The following DYNC2I1 variants were observed in gnomAD, a reference collection of about 807,000 sequenced individuals.
The protein encoded by DYNC2I1 is cytoplasmic dynein 2 intermediate chain 1.
In DYNC2I1, 89 loss-of-function variants were observed where a neutral mutation model predicts 133.4. The observed-to-expected ratio is 0.67, with a 90% CI of 0.56 to 0.80. The LOEUF (loss-of-function observed/expected upper bound fraction) is 0.80. Among genes scored for constraint, DYNC2I1 ranks in the 30% least tolerant of loss-of-function variants. The pLI is 0.00. For synonymous variants in DYNC2I1, 504 were observed against 484.3 expected (o/e 1.04, Z -0.54); for missense variants, 1,291 against 1,314.5 (o/e 0.98, Z 0.28).
At position 158,937,960 on chromosome 7, in the gene DYNC2I1, G is replaced by C. The variant is rs572887605; in HGVS notation, c.2778+3411G>C. 1.1e-4 allele frequency among the ~76,000 whole-genome samples: 16 copies of C among 152,160 alleles called. No individual in the cohort carries two copies. In the South Asian group the frequency reaches 3.3e-3, roughly 32 times the overall value. On this transcript the variant is annotated intron_variant, in intron 23 of 24. Coordinates refer to ENST00000407559, the MANE Select transcript of DYNC2I1 (RefSeq NM_018051.5). ...AGAAAAAAGAACAAAAAGGAATAAA[G>C]ACTACCTACAAGACAGAAAATAACC... is the stretch of plus-strand genomic sequence containing the variant.
intron 22 of DYNC2I1, 21 bp downstream of exon 22, chr7:158,934,249 A>G (rs1432231751): frequency 6.3e-7 from 1 of 1,587,932 alleles, no homozygotes; most frequent in South Asian, 1.2e-5. Flanking sequence ...TTTTAAATTT[A>G]ATCCTATTAC....
At chr7:158,841,184 TA>T in the DYNC2I1 span, among the ~76,000 whole-genome samples, 6 of 27,810 alleles carry the variant, frequency 2.2e-4, no homozygotes, top group East Asian at 2.5e-3. Flanking sequence ...TATATATATA[TA>T]TATATATATA....
intron 8 of DYNC2I1, among the ~76,000 whole-genome samples, chr7:158,894,956 C>T (rs1845627560): frequency 6.6e-6 from 1 of 152,138 alleles, no homozygotes; most frequent in African/African-American, 2.4e-5. Flanking sequence ...TGTTTGCCAT[C>T]TGTATATCTT....
At chr7:158,891,214 C>T in intron 7 of DYNC2I1, 51 bp from the exon 8 acceptor site, 1 of 1,606,080 alleles carries the variant, frequency 6.2e-7, no homozygotes, top group Non-Finnish European at 8.5e-7. Context: ...TGGCGTGTGC[C>T]CTGGAGTCCC....
In DYNC2I1 at chr7:158,865,808, G is replaced by T. The variant is rs180797961; in HGVS notation, c.16-4047G>T. Among the ~76,000 whole-genome samples the T allele has an allele frequency of 3.7e-3, 567 of 152,286 alleles. 5 individuals carry two copies. The highest frequency in any genetic ancestry group is 0.013 in the African/African-American group (541 of 41,548). On this transcript the variant is annotated intron_variant, in intron 1 of 24. Transcript: ENST00000407559. Reference sequence around the variant, plus strand: ...TGGTCTTTAAAAGGCCTTGGCAGAAGCATGTGGTTTACATGTGGCAAGTGG... The same window carrying T: ...TGGTCTTTAAAAGGCCTTGGCAGAATCATGTGGTTTACATGTGGCAAGTGG...
chr7:158,928,883 T>A (rs997202803), intron 20 of DYNC2I1, among the ~76,000 whole-genome samples: 2 of 152,144 alleles, frequency 1.3e-5, no homozygotes, highest in African/African-American at 2.4e-5. Context: ...GCCGTTAACT[T>A]GTTACATGAT....
Position 158,945,620 on chromosome 7 carries a change from T to C in DYNC2I1, c.3042T>C (p.Ala1014=). Residue 1014 remains alanine (A), a synonymous_variant, in exon 25 of 25, where the codon GCT becomes GCC. Transcript: ENST00000407559. This position sits in a 1 kb window ranked among gnomAD's most constrained non-coding sequence, Gnocchi z 4.1. The stretch of plus-strand genomic sequence containing the variant: ...CTGCGGTGGGTGAGCCTGAGAAGGC[T>C]GGTGGCAGCTTCCTGGCCCTGGTGC... ...AMAAVGEPEK[A]GGSFLALVLA... The C allele has an allele frequency of 2.5e-6, 4 of 1,610,564 alleles. No homozygotes were observed. The highest frequency in any genetic ancestry group is 3.4e-6 in the Non-Finnish European group (4 of 1,178,764).
At position 158,945,995 on chromosome 7, in the gene DYNC2I1, C is replaced by G. The variant is rs1585269958; in HGVS notation, c.*216C>G. Reference sequence around the variant, plus strand: ...AACATTCTAGCATTTACAAAACTTCCAGGGGAATGTAGAGCCACGTCCAGG... The same window carrying G: ...AACATTCTAGCATTTACAAAACTTCGAGGGGAATGTAGAGCCACGTCCAGG... On this transcript the variant is annotated 3_prime_UTR_variant, in exon 25 of 25. Transcript: ENST00000407559. The surrounding 1 kb of genome is among the most constrained non-coding windows in gnomAD (Gnocchi z 4.1). 4.3e-6 allele frequency: 2 copies of G among 465,704 alleles called. No homozygotes were observed. Among genetic ancestry groups the G allele is most frequent in the East Asian group, 7.7e-5 (2 of 26,040 alleles). The allele number at this position is 465,704 out of a possible 1,614,324, so 28.8% of individuals were successfully genotyped here.
downstream of DYNC2I1, among the ~76,000 whole-genome samples, chr7:158,949,016 C>T (rs926152490): frequency 5.3e-5 from 8 of 152,148 alleles, no homozygotes; most frequent in Non-Finnish European, 1.5e-5. Flanking sequence ...TGGTCCTGGA[C>T]TGGAGAACAT....
At chr7:158,871,604 C>T (rs1185900771) in intron 3 of DYNC2I1, 42 bp downstream of exon 3, 59 of 1,484,284 alleles carry the variant, frequency 4.0e-5, no homozygotes, top group African/African-American at 1.1e-4. Context: ...CCCGAGGTGC[C>T]GCGTCGCTGC....
chr7:158,840,410 T>C, the DYNC2I1 span, among the ~76,000 whole-genome samples: 6 of 151,742 alleles, frequency 4.0e-5, no homozygotes, highest in African/African-American at 1.5e-4. Context: ...CTAGGAAAAA[T>C]ACAAAACTTA....
rs971295219 is a variant in DYNC2I1, at chr7:158,918,058, C to T, written c.1792-682C>T. ...CTCTCACTCAACATTTCCTGCCTCCCGCCCTCCCATATTCTGTCACTTCTC... is the reference window on the plus strand; with the variant it reads ...CTCTCACTCAACATTTCCTGCCTCCTGCCCTCCCATATTCTGTCACTTCTC... On this transcript the variant is annotated intron_variant, in intron 14 of 24. Coordinates refer to ENST00000407559, the MANE Select transcript of DYNC2I1 (RefSeq NM_018051.5). Among the ~76,000 whole-genome samples, 5 of 152,126 alleles carry T rather than the reference C, an allele frequency of 3.3e-5. No homozygotes were observed. In the South Asian group the frequency reaches 6.2e-4, roughly 19 times the overall value.
chr7:158,926,574 G>GGA, intron 19 of DYNC2I1, 111 bp downstream of exon 19: 7 of 1,218,850 alleles, frequency 5.7e-6, no homozygotes, highest in Non-Finnish European at 8.2e-6. Context: ...GGTGGGAAAC[G>GGA]GAGAGCAAGA....
chr7:158,941,707 CCTCAT>C (rs1851381724), intron 23 of DYNC2I1, among the ~76,000 whole-genome samples: 1 of 152,142 alleles, frequency 6.6e-6, no homozygotes, highest in Admixed American at 6.5e-5. Context: ...CATAGTGAGA[CCTCAT>C]CTCTACGAAC....
In DYNC2I1 at chr7:158,945,676, A is replaced by T; in HGVS notation, c.3098A>T (p.Gln1033Leu). The T allele has an allele frequency of 6.2e-7, 1 of 1,612,888 alleles. No individual in the cohort carries two copies. Among genetic ancestry groups the T allele is most frequent in the Non-Finnish European group, 8.5e-7 (1 of 1,179,508 alleles). ...AGGGCGTCTGGCTCCATCGACATCCAGCACCTGAAGAGGCGGTGGGCGGCC... is the reference window on the plus strand; with the variant it reads ...AGGGCGTCTGGCTCCATCGACATCCTGCACCTGAAGAGGCGGTGGGCGGCC... Reference protein sequence around the residue: ...LARASGSIDIQHLKRRWAAPE... With the variant: ...LARASGSIDILHLKRRWAAPE... Residue 1033 changes from glutamine (Q) to leucine (L), a missense_variant, in exon 25 of 25, where the codon CAG (glutamine) becomes CTG (leucine). Coordinates refer to ENST00000407559, the MANE Select transcript of DYNC2I1 (RefSeq NM_018051.5). The surrounding 1 kb of genome is among the most constrained non-coding windows in gnomAD (Gnocchi z 4.1).
the DYNC2I1 span, among the ~76,000 whole-genome samples, chr7:158,850,643 C>G: frequency 6.6e-6 from 1 of 152,210 alleles, no homozygotes; most frequent in African/African-American, 2.4e-5. Flanking sequence ...CTTCATAGCC[C>G]TCTGTGGAGC....
chr7:158,958,142 C>T (rs1180151803), downstream of DYNC2I1, among the ~76,000 whole-genome samples: 5 of 150,630 alleles, frequency 3.3e-5, no homozygotes, highest in Admixed American at 1.3e-4. Flanking sequence ...CAGACACGCC[C>T]CAGGTCGTGG....
rs755009519 is a variant in DYNC2I1 at position 158,945,566 on chromosome 7, C to A, written c.3003-15C>A. On this transcript the variant is annotated splice_polypyrimidine_tract_variant and intron_variant, in intron 24 of 24. Transcript: ENST00000407559. The surrounding 1 kb of genome is among the most constrained non-coding windows in gnomAD (Gnocchi z 4.1). ...TGTGTGCACTGACCCTCTGCTTCTG[C>A]CCCTCTCCCTGCAGGCTGGTGGCCA... The A allele has an allele frequency of 6.3e-7, 1 of 1,593,314 alleles. No homozygotes were observed.
At chr7:158,865,638 T>A (rs1489229852) in intron 1 of DYNC2I1, among the ~76,000 whole-genome samples, 1 of 152,176 alleles carries the variant, frequency 6.6e-6, no homozygotes, top group East Asian at 1.9e-4. Flanking sequence ...CTCCTGAGTC[T>A]CCTCACCCCA....
Sources: gnomAD v4.1 joint callset for allele counts (sites outside exome capture counted in the v4.1 genomes callset) on GRCh38, gnomAD v4.1.1 for gene constraint, Gnocchi (gnomAD v3.1) non-coding constraint, MANE v1.5 for transcripts, NCBI Gene and HGNC (gene_info 2026-07-23, HGNC 2026-07-21) for gene names.